VTI1A: variants seen among roughly 807,000 people sequenced by gnomAD.
The protein encoded by VTI1A is vesicle transport through interaction with t-SNAREs homolog 1A.
VTI1A carries 22 observed loss-of-function variants against 34.9 expected under a neutral mutation model. That is an observed-to-expected ratio of 0.63 (90% confidence interval 0.45 to 0.90). The LOEUF (loss-of-function observed/expected upper bound fraction) is 0.90, where lower values mean the gene tolerates loss of function less well. Ranked by LOEUF, VTI1A falls within the 40% of genes least tolerant of loss-of-function variation. The pLI is 0.00. For synonymous variants in VTI1A, 87 were observed against 97.3 expected, an observed-to-expected ratio of 0.89 and a Z score of 0.62; for missense variants, 268 against 275.6, an observed-to-expected ratio of 0.97 and a Z score of 0.20.
intron 7 of VTI1A, among the ~76,000 whole-genome samples, chr10:112,727,222 GCAA>G (rs1383920819): frequency 2.6e-5 from 4 of 152,124 alleles, no homozygotes; most frequent in African/African-American, 9.7e-5. Context: ...AGTCTAAGAA[GCAA>G]CAACATGAAA....
intron 7 of VTI1A, among the ~76,000 whole-genome samples, chr10:112,686,334 A>G (rs139123201): frequency 3.3e-5 from 5 of 152,054 alleles, no homozygotes; most frequent in African/African-American, 4.8e-5. Context: ...ATCATCTTCT[A>G]TTTTCTTCAT....
chr10:112,739,412 A>G (rs1188173043), intron 7 of VTI1A, among the ~76,000 whole-genome samples: 1 of 152,168 alleles, frequency 6.6e-6, no homozygotes, highest in African/African-American at 2.4e-5. Flanking sequence ...CCACATGCTA[A>G]TGGTGGTTAT....
intron 7 of VTI1A, among the ~76,000 whole-genome samples, chr10:112,814,664 G>T (rs1037849312): frequency 1.3e-5 from 2 of 152,088 alleles, no homozygotes; most frequent in African/African-American, 4.8e-5. Flanking sequence ...TGAGTACATT[G>T]TATATTTCTC....
chr10:112,591,136 G>A (rs910456257), intron 5 of VTI1A, among the ~76,000 whole-genome samples: 3 of 152,076 alleles, frequency 2.0e-5, no homozygotes, highest in Non-Finnish European at 4.4e-5. Flanking sequence ...CTTCAGCTAC[G>A]ATATTTCCAT....
At chr10:112,738,356 C>T (rs940895666) in intron 7 of VTI1A, among the ~76,000 whole-genome samples, 2 of 152,208 alleles carry the variant, frequency 1.3e-5, no homozygotes, top group African/African-American at 4.8e-5. Flanking sequence ...TGCTTCCTCA[C>T]TCTCCTCTAT....
rs191001787 is a variant in VTI1A at position 112,451,436 on chromosome 10, A to T, written c.94+3969A>T. On this transcript the variant is annotated intron_variant, in intron 1 of 7. Transcript: ENST00000393077. ...TTTGTCATGTTAATTGAACTCTTAA[A>T]TCTTACACTTCAATTCTTGCTTCCT... Among the ~76,000 whole-genome samples, 37 of 152,332 alleles carry T rather than the reference A, an allele frequency of 2.4e-4. No homozygotes were observed. In the East Asian group the frequency reaches 6.2e-3, roughly 25 times the overall value.
chr10:112,808,045 C>G (rs1383429816), intron 7 of VTI1A, among the ~76,000 whole-genome samples: 2 of 151,252 alleles, frequency 1.3e-5, no homozygotes, highest in Non-Finnish European at 2.9e-5. Flanking sequence ...TAGTGAGACC[C>G]TGTCTTTACA....
chr10:112,581,123 G>T (rs1049122341), intron 5 of VTI1A, among the ~76,000 whole-genome samples: 1 of 152,170 alleles, frequency 6.6e-6, no homozygotes, highest in Non-Finnish European at 1.5e-5. Context: ...AGGTCACCCC[G>T]TGGGAGCTCT....
chr10:112,532,742 GAAGT>G (rs1445959820), intron 4 of VTI1A, among the ~76,000 whole-genome samples: 32 of 152,198 alleles, frequency 2.1e-4, no homozygotes, highest in Non-Finnish European at 4.4e-5. Context: ...CAATATAAAT[GAAGT>G]AAGAGCTCAT....
chr10:112,579,832 G>A (rs974577726), intron 5 of VTI1A, among the ~76,000 whole-genome samples: 3 of 152,014 alleles, frequency 2.0e-5, no homozygotes, highest in Non-Finnish European at 4.4e-5. Context: ...GCAGCATCAT[G>A]GAAGCTAAAG....
chr10:112,484,829 T>G (rs1848565128), intron 3 of VTI1A: 1 of 151,356 alleles, frequency 6.6e-6, no homozygotes, highest in African/African-American at 2.4e-5. Flanking sequence ...ACATAAGTAT[T>G]CCAATGAAAA....
intron 4 of VTI1A, 125 bp downstream of exon 4, chr10:112,527,289 A>T (rs1850267867): frequency 1.4e-6 from 1 of 704,550 alleles, no homozygotes; most frequent in East Asian, 2.8e-5. Flanking sequence ...ATACTGTTTA[A>T]TGCAAAGCTG....
At chr10:112,715,224 T>C (rs1849564176) in intron 7 of VTI1A, among the ~76,000 whole-genome samples, 1 of 152,172 alleles carries the variant, frequency 6.6e-6, no homozygotes, top group Non-Finnish European at 1.5e-5. Flanking sequence ...CACAAATTAC[T>C]GAATTTTAAT....
intron 5 of VTI1A, among the ~76,000 whole-genome samples, chr10:112,557,345 G>A (rs1449271685): frequency 1.3e-5 from 2 of 152,122 alleles, no homozygotes; most frequent in African/African-American, 2.4e-5. Context: ...GGAGATTAGT[G>A]GAAAATAAGC....
At chr10:112,835,215 C>G in the VTI1A span, among the ~76,000 whole-genome samples, 1 of 152,162 alleles carries the variant, frequency 6.6e-6, no homozygotes, top group Non-Finnish European at 1.5e-5. Flanking sequence ...CCCATGAGGC[C>G]AGAACACGGA....
chr10:112,660,862 C>T (rs1465652145), intron 5 of VTI1A, among the ~76,000 whole-genome samples: 1 of 152,160 alleles, frequency 6.6e-6, no homozygotes, highest in African/African-American at 2.4e-5. Context: ...CTGTTTACCT[C>T]CTCTTCATCT....
rs5787971 is a variant in VTI1A, at chr10:112,724,786, GAA to G, written c.560+55800_560+55801del. The stretch of plus-strand genomic sequence containing the variant: ...TCCTTCCCCCATCCCCCCTTTTTTT[GAA>G]AAAAAAAAAAAGAAAAAAAAACAAA... On this transcript the variant is annotated intron_variant, in intron 7 of 7. Coordinates refer to ENST00000393077, the MANE Select transcript of VTI1A (RefSeq NM_145206.4). Among the ~76,000 whole-genome samples, 633 of 117,268 alleles carry G rather than the reference GAA, an allele frequency of 5.4e-3. 7 individuals carry two copies. The highest frequency in any genetic ancestry group is 0.017 in the African/African-American group (587 of 34,358). 76.9% of individuals were successfully genotyped at this position (117,268 alleles called of 152,430 possible).
chr10:112,492,878 C>T (rs1004332040), intron 3 of VTI1A, among the ~76,000 whole-genome samples: 1 of 151,802 alleles, frequency 6.6e-6, no homozygotes, highest in Non-Finnish European at 1.5e-5. Context: ...GATATTTATA[C>T]AGTTGTTCAA....
At chr10:112,512,008 A>T (rs1437627917) in intron 3 of VTI1A, among the ~76,000 whole-genome samples, 2 of 152,136 alleles carry the variant, frequency 1.3e-5, no homozygotes, top group African/African-American at 4.8e-5. Context: ...GCTTGTGAGT[A>T]GTGCTACAAT....
Sources: gnomAD v4.1 joint callset for allele counts (sites outside exome capture counted in the v4.1 genomes callset) on GRCh38, gnomAD v4.1.1 for gene constraint, MANE v1.5 for transcripts, NCBI Gene and HGNC (gene_info 2026-07-23, HGNC 2026-07-21) for gene names.